The following ADGRV1 variants were observed in gnomAD, a reference collection of about 807,000 sequenced individuals.
ADGRV1 encodes the protein adhesion G protein-coupled receptor V1.
ADGRV1 carries 359 observed loss-of-function variants against 596.2 expected under a neutral mutation model. That is an observed-to-expected ratio of 0.60 (90% confidence interval 0.55 to 0.66). The LOEUF is 0.66. Among genes scored for constraint, ADGRV1 ranks in the 30% least tolerant of loss-of-function variants. The pLI, the probability that ADGRV1 is intolerant of heterozygous loss-of-function variation, is 0.00. For synonymous variants in ADGRV1, 2,681 were observed against 2,679.2 expected, an observed-to-expected ratio of 1.00 and a Z score of -0.02; for missense variants, 7,274 against 7,575.6, an observed-to-expected ratio of 0.96 and a Z score of 1.48.
At chr5:90,946,897 C>A (rs1163009038) in intron 83 of ADGRV1, among the ~76,000 whole-genome samples, 1 of 152,076 alleles carries the variant, frequency 6.6e-6, no homozygotes, top group Admixed American at 6.6e-5. Context: ...CATGTCTTCG[C>A]AATTGTGAAT....
chr5:90,855,974 T>G, intron 82 of ADGRV1, 73 bp downstream of exon 82: 1 of 1,226,734 alleles, frequency 8.2e-7, no homozygotes. Context: ...CCATAATCCT[T>G]TTACGTATGC....
chr5:90,729,601 A>G, intron 49 of ADGRV1, 41 bp from the exon 50 acceptor site: 1 of 1,490,622 alleles, frequency 6.7e-7, no homozygotes, highest in Non-Finnish European at 9.2e-7. Flanking sequence ...TTTTTTCTGT[A>G]ACTTTTGCAT....
intron 21 of ADGRV1, among the ~76,000 whole-genome samples, chr5:90,667,699 G>T (rs1192065371): frequency 6.6e-6 from 1 of 152,014 alleles, no homozygotes; most frequent in Non-Finnish European, 1.5e-5. Flanking sequence ...GCTTTTTAGA[G>T]TTTCCAGTTT....
intron 21 of ADGRV1, among the ~76,000 whole-genome samples, chr5:90,669,399 A>G (rs911721327): frequency 6.6e-6 from 1 of 152,242 alleles, no homozygotes; most frequent in African/African-American, 2.4e-5. Flanking sequence ...TGCCAGATGC[A>G]TAATGAGAAA....
intron 78 of ADGRV1, among the ~76,000 whole-genome samples, chr5:90,846,787 T>G (rs1243724726): frequency 1.3e-5 from 2 of 152,222 alleles, no homozygotes; most frequent in Non-Finnish European, 2.9e-5. Flanking sequence ...TCAGGCAGCC[T>G]GCTTTTATTC....
intron 59 of ADGRV1, among the ~76,000 whole-genome samples, chr5:90,769,178 A>G (rs914676955): frequency 6.6e-6 from 1 of 152,160 alleles, no homozygotes. Context: ...CAGAGCATCC[A>G]CCACTGAGAT....
intron 85 of ADGRV1, among the ~76,000 whole-genome samples, chr5:91,064,925 G>A (rs923714957): frequency 6.6e-6 from 1 of 152,194 alleles, no homozygotes; most frequent in African/African-American, 2.4e-5. Context: ...GAATAAAAAT[G>A]TATGTTAAAT....
intron 56 of ADGRV1, 156 bp downstream of exon 56, chr5:90,756,786 C>G (rs1055201672): frequency 1.3e-6 from 1 of 759,590 alleles, no homozygotes; most frequent in Non-Finnish European, 2.1e-6. Flanking sequence ...TGGGCTAGAC[C>G]AAAGGATTCA....
At chr5:90,632,578 A>G (rs1765639005) in intron 9 of ADGRV1, among the ~76,000 whole-genome samples, 1 of 152,200 alleles carries the variant, frequency 6.6e-6, no homozygotes, top group African/African-American at 2.4e-5. Context: ...TCTTGTATAA[A>G]TACATCCTTA....
chr5:91,032,861 T>G (rs2151234520), intron 85 of ADGRV1, among the ~76,000 whole-genome samples: 1 of 152,340 alleles, frequency 6.6e-6, no homozygotes, highest in Admixed American at 6.5e-5. Context: ...AAAGACTTAC[T>G]TTGTATATGA....
chr5:90,720,574 T>C (rs1750781057), intron 44 of ADGRV1, among the ~76,000 whole-genome samples: 1 of 152,210 alleles, frequency 6.6e-6, no homozygotes, highest in Non-Finnish European at 1.5e-5. Flanking sequence ...TTCAAATATA[T>C]ATTAACATGA....
At chr5:90,580,271 A>G (rs1013710889) in intron 1 of ADGRV1, among the ~76,000 whole-genome samples, 1 of 152,060 alleles carries the variant, frequency 6.6e-6, no homozygotes, top group African/African-American at 2.4e-5. Flanking sequence ...TTCCATGTTT[A>G]GTGGTTACTT....
At chr5:90,797,287 CAAAAAAAAAA>C (rs780696194) in intron 70 of ADGRV1, among the ~76,000 whole-genome samples, 2 of 26,352 alleles carry the variant, frequency 7.6e-5, no homozygotes, top group East Asian at 2.7e-3. Context: ...AAATGAAAAG[CAAAAAAAAAA>C]AAAAAAAAAA....
intron 89 of ADGRV1, among the ~76,000 whole-genome samples, chr5:91,158,891 GGATGGATGGATA>G (rs1388329323): frequency 1.3e-5 from 2 of 151,940 alleles, no homozygotes; most frequent in African/African-American, 4.8e-5. Context: ...ATGGATGGAT[GGATGGATGGATA>G]GATGCATGGG....
intron 86 of ADGRV1, among the ~76,000 whole-genome samples, chr5:91,091,011 G>A (rs536706656): frequency 2.1e-4 from 32 of 152,192 alleles, no homozygotes; most frequent in Admixed American, 7.9e-4. Flanking sequence ...ATTTCTCACC[G>A]TGGTTTGTGG....
intron 85 of ADGRV1, among the ~76,000 whole-genome samples, chr5:90,993,058 T>C (rs937153357): frequency 5.3e-5 from 8 of 152,196 alleles, no homozygotes; most frequent in African/African-American, 1.9e-4. Context: ...GTCTTTTTTC[T>C]ACTCTGAAAT....
At chr5:91,086,094 T>G (rs1157235604) in intron 86 of ADGRV1, among the ~76,000 whole-genome samples, 1 of 152,200 alleles carries the variant, frequency 6.6e-6, no homozygotes, top group Non-Finnish European at 1.5e-5. Context: ...GACACCCTAT[T>G]CTTTTACAAG....
At chr5:90,684,262 TTTTA>T (rs1436696928) in intron 28 of ADGRV1, 67 bp downstream of exon 28, 11 of 1,358,244 alleles carry the variant, frequency 8.1e-6, no homozygotes, top group Non-Finnish European at 1.1e-5. Flanking sequence ...CAGTTTTAAA[TTTTA>T]TTTAATAGAA....
intron 50 of ADGRV1, among the ~76,000 whole-genome samples, chr5:90,732,753 T>G (rs1256816020): frequency 2.6e-5 from 4 of 152,248 alleles, no homozygotes; most frequent in Admixed American, 2.6e-4. Flanking sequence ...TTCAGTCTAC[T>G]CCAGTATTAT....
Sources: allele counts gnomAD v4.1 joint callset (sites outside exome capture counted in the v4.1 genomes callset), GRCh38; gene constraint gnomAD v4.1.1; transcripts MANE v1.5; gene names NCBI Gene and HGNC (gene_info 2026-07-23, HGNC 2026-07-21).